SLC4A3: variants seen among roughly 807,000 people sequenced by gnomAD.
SLC4A3 encodes solute carrier family 4 member 3, also known as anion exchange protein 3.
A neutral mutation model predicts 114.2 loss-of-function variants in SLC4A3; 47 were observed. The observed-to-expected ratio is 0.41, with a 90% CI of 0.33 to 0.52. The LOEUF is 0.52. SLC4A3 is among the 20% of genes least tolerant of loss of function. The pLI is 0.21. For missense variants in SLC4A3, 1,312 were observed against 1,668.3 expected (o/e 0.79, Z 3.72); for synonymous variants, 693 against 710.3 (o/e 0.98, Z 0.39).
chr2:219,631,597 G>A lies in SLC4A3; in HGVS notation c.812-371G>A, dbSNP rs1015222621. On this transcript the variant is annotated intron_variant, in intron 6 of 22. Coordinates refer to ENST00000358055, the MANE Select transcript of SLC4A3 (RefSeq NM_005070.4). The surrounding 1 kb of genome is among the most constrained non-coding windows in gnomAD (Gnocchi z 6.3). The stretch of plus-strand genomic sequence containing the variant: ...ACGTGGGTGTTGAGATAGGGTGCAC[G>A]GAAAATGTTGGGGGCTCAGTGCCTG... 3.3e-5 allele frequency: 26 copies of A among 779,912 alleles called. No individual in the cohort carries two copies. The highest frequency in any genetic ancestry group is 4.2e-4 in the Middle Eastern group (1 of 2,358). 48.3% of individuals were successfully genotyped at this position (779,912 alleles called of 1,614,324 possible).
rs1223216708 is a variant in SLC4A3, at chr2:219,633,524, G to A, written c.1461+67G>A. ...GTGTCCAGTTTCAGTCGAGGTCATC[G>A]ACGACTTCACTGAGTGGGTTGGGAA... is the stretch of plus-strand genomic sequence containing the variant. On this transcript the variant is annotated intron_variant, in intron 10 of 22. Coordinates refer to ENST00000358055, the MANE Select transcript of SLC4A3 (RefSeq NM_005070.4). 9 of 1,362,734 alleles carry A rather than the reference G, an allele frequency of 6.6e-6. No individual in the cohort carries two copies. In the South Asian group the frequency reaches 7.9e-5, roughly 12 times the overall value. 84.4% of individuals were successfully genotyped at this position (1,362,734 alleles called of 1,614,324 possible).
chr2:219,640,225 GC>G (rs5838745), intron 20 of SLC4A3, among the ~76,000 whole-genome samples: 19,954 of 108,106 alleles, frequency 0.18, 2,184 homozygotes, highest in African/African-American at 0.26. Flanking sequence ...CAATGTGTCT[GC>G]CCCCCCCCCC....
intron 22 of SLC4A3, 28 bp downstream of exon 22, chr2:219,640,990 G>T (rs764471239): frequency 1.9e-5 from 31 of 1,594,758 alleles, no homozygotes; most frequent in Non-Finnish European, 2.4e-5. Flanking sequence ...TGGGGAAACA[G>T]TGTTAGGGCA....
At position 219,631,180 on chromosome 2, in the gene SLC4A3, TGTA is replaced by T; in HGVS notation, c.812-786_812-784del. On this transcript the variant is annotated intron_variant, in intron 6 of 22. Transcript: ENST00000358055. The surrounding 1 kb of genome is among the most constrained non-coding windows in gnomAD (Gnocchi z 6.3). ...AGCCACCCCGTCCAGGCTCCCACCTTGTAGGAGAGCCGAGGGGTCTGGTAGGGA... is the reference window on the plus strand; with the variant it reads ...AGCCACCCCGTCCAGGCTCCCACCTTGGAGAGCCGAGGGGTCTGGTAGGGA... 8.4e-7 allele frequency: 1 copy of T among 1,193,776 alleles called. No homozygotes were observed. The highest frequency in any genetic ancestry group is 1.1e-6 in the Non-Finnish European group (1 of 934,478). 73.9% of individuals were successfully genotyped at this position (1,193,776 alleles called of 1,614,324 possible).
At position 219,628,115 on chromosome 2, in the gene SLC4A3, G is replaced by C; in HGVS notation, c.51+72G>C. The C allele has an allele frequency of 4.7e-6, 6 of 1,265,760 alleles. No homozygotes were observed. The highest frequency in any genetic ancestry group is 6.4e-6 in the Non-Finnish European group (6 of 937,950). 78.4% of individuals were successfully genotyped at this position (1,265,760 alleles called of 1,614,324 possible). ...GAGGGACCTTAGGGTGGGCAGAGGA[G>C]TCCTCTGGCCGACCCCGGGACCCCC... On this transcript the variant is annotated intron_variant, in intron 2 of 22. Transcript: ENST00000358055. This position sits in a 1 kb window ranked among gnomAD's most constrained non-coding sequence, Gnocchi z 4.8.
chr2:219,631,935 C>A lies in SLC4A3; in HGVS notation c.812-33C>A. On this transcript the variant is annotated intron_variant, in intron 6 of 22. Transcript: ENST00000358055. This position sits in a 1 kb window ranked among gnomAD's most constrained non-coding sequence, Gnocchi z 6.3. ...CGTGACCCCGAGGGCCCCAGCTGGA[C>A]CTGTGGGACCCCCAAGCCCATCTTC... is the stretch of plus-strand genomic sequence containing the variant. 1 of 1,554,172 alleles carries A rather than the reference C, an allele frequency of 6.4e-7. No individual in the cohort carries two copies. Among genetic ancestry groups the A allele is most frequent in the Non-Finnish European group, 8.7e-7 (1 of 1,150,614 alleles).
At position 219,629,277 on chromosome 2, in the gene SLC4A3, TCCTCC is replaced by T. The variant is rs1698832248; in HGVS notation, c.353_357del (p.Pro118LeufsTer17). 6.2e-7 allele frequency: 1 copy of T among 1,612,924 alleles called. No individual in the cohort carries two copies. Among genetic ancestry groups the T allele is most frequent in the African/African-American group, 1.3e-5 (1 of 74,556 alleles). On this transcript the variant is annotated frameshift_variant, in exon 4 of 23. Transcript: ENST00000358055. LOFTEE classifies it high-confidence loss of function. The stretch of plus-strand genomic sequence containing the variant: ...AGAGGAAGAAGGAGAAAACCTCTGC[TCCTCC>T]CTCCGAGGGGACCCCTCCCATCCAG...
In SLC4A3 at chr2:219,634,437, G is replaced by T. The variant is rs1559201170; in HGVS notation, c.1579G>T (p.Glu527Ter). 1 of 1,614,092 alleles carries T rather than the reference G, an allele frequency of 6.2e-7. No individual in the cohort carries two copies. Among genetic ancestry groups the T allele is most frequent in the Non-Finnish European group, 8.5e-7 (1 of 1,180,008 alleles). The change falls in exon 12 of 23, where the codon GAG (glutamate) becomes TAG (stop). Residue 527 changes from glutamate (E) to a stop codon, truncating the protein, a stop_gained. Coordinates refer to ENST00000358055, the MANE Select transcript of SLC4A3 (RefSeq NM_005070.4). LOFTEE classifies it high-confidence loss of function. ...VVLVGCVPFL[E>*]QPAAAFVRLN... ...TCCCCTAGGTTGTGTGCCTTTCTTGGAGCAGCCTGCAGCAGCCTTCGTGCG... is the reference window on the plus strand; with the variant it reads ...TCCCCTAGGTTGTGTGCCTTTCTTGTAGCAGCCTGCAGCAGCCTTCGTGCG...
Position 219,629,303 on chromosome 2 carries a change from T to A in SLC4A3, c.377T>A (p.Ile126Asn), listed in dbSNP as rs766001289. 3.1e-6 allele frequency: 5 copies of A among 1,613,194 alleles called. No individual in the cohort carries two copies. Among genetic ancestry groups the A allele is most frequent in the Non-Finnish European group, 4.2e-6 (5 of 1,179,594 alleles). The change falls in exon 4 of 23, where the codon ATC (isoleucine) becomes AAC (asparagine). Residue 126 changes from isoleucine to asparagine, a missense_variant. Physicochemically the swap from Ile to Asn is moderately radical, Grantham distance 149 (BLOSUM62 -3). Coordinates refer to ENST00000358055, the MANE Select transcript of SLC4A3 (RefSeq NM_005070.4). Reference sequence around the variant, plus strand: ...CCTCCCTCCGAGGGGACCCCTCCCATCCAGGAGGAGGGGGGAGCTGGAGTG... The same window carrying A: ...CCTCCCTCCGAGGGGACCCCTCCCAACCAGGAGGAGGGGGGAGCTGGAGTG... ...SAPPSEGTPP[I>N]QEEGGAGVDE...
Position 219,639,542 on chromosome 2 carries a change from G to A in SLC4A3, c.3084G>A (p.Leu1028=), listed in dbSNP as rs369821892. 6 of 1,613,960 alleles carry A rather than the reference G, an allele frequency of 3.7e-6. No individual in the cohort carries two copies. Among genetic ancestry groups the A allele is most frequent in the Non-Finnish European group, 5.1e-6 (6 of 1,180,054 alleles). ...LLKGSGFHLD[L]LLIGSLGGLC... is the part of the protein sequence containing the mutation. The stretch of plus-strand genomic sequence containing the variant: ...AGGGCTCCGGTTTCCACCTGGACCT[G>A]CTCCTCATTGGCTCCCTGGGGGGGC... The change falls in exon 20 of 23, where the codon CTG becomes CTA. Residue 1028 remains leucine, a synonymous_variant. Transcript: ENST00000358055. This position sits in a 1 kb window ranked among gnomAD's most constrained non-coding sequence, Gnocchi z 5.9.
rs771107574 is a variant in SLC4A3 at position 219,637,571 on chromosome 2, C to T, written c.2536-10C>T. ...GTGAGTGACAAGGCATCCTTGTTATCCACACACAGGTGTTCACAGAGCACC... is the reference window on the plus strand; with the variant it reads ...GTGAGTGACAAGGCATCCTTGTTATTCACACACAGGTGTTCACAGAGCACC... On this transcript the variant is annotated splice_polypyrimidine_tract_variant and intron_variant, in intron 16 of 22. Coordinates refer to ENST00000358055, the MANE Select transcript of SLC4A3 (RefSeq NM_005070.4). This position sits in a 1 kb window ranked among gnomAD's most constrained non-coding sequence, Gnocchi z 4.6. The T allele has an allele frequency of 8.9e-6, 13 of 1,465,428 alleles. No individual in the cohort carries two copies. The highest frequency in any genetic ancestry group is 1.0e-5 in the Non-Finnish European group (11 of 1,067,940). 90.8% of individuals were successfully genotyped at this position (1,465,428 alleles called of 1,614,324 possible).
In SLC4A3 at chr2:219,632,927, G is replaced by C. The variant is rs372183718; in HGVS notation, c.1195G>C (p.Val399Leu). 30 of 1,614,024 alleles carry C rather than the reference G, an allele frequency of 1.9e-5. No homozygotes were observed. The highest frequency in any genetic ancestry group is 2.5e-5 in the Non-Finnish European group (30 of 1,180,034). ...QTTLPGIAHLVVETMIVSDQI... is the reference protein window; with the variant it reads ...QTTLPGIAHLLVETMIVSDQI... The stretch of plus-strand genomic sequence containing the variant: ...CACCCTGCCAGGCATTGCACACCTC[G>C]TGGTGGAGACCATGATTGTGTCTGA... Residue 399 changes from valine to leucine, a missense_variant, in exon 9 of 23, where the codon GTG becomes CTG. Around this residue, in one of 4 missense-constraint regions of SLC4A3, gnomAD observed 771 missense variants for 977.7 expected, o/e 0.79. Coordinates refer to ENST00000358055, the MANE Select transcript of SLC4A3 (RefSeq NM_005070.4).
In SLC4A3 at chr2:219,633,884, C is replaced by G; in HGVS notation, c.1466C>G (p.Pro489Arg). 6.4e-7 allele frequency: 1 copy of G among 1,556,690 alleles called. No individual in the cohort carries two copies. Among genetic ancestry groups the G allele is most frequent in the African/African-American group, 1.4e-5 (1 of 73,614 alleles). ...ATTCCAGTTCTGCGTCCTCAGAAGC[C>G]CCTCCACATGCCTGGGGGAGATGGT... The part of the protein sequence containing the change: ...WPHDPDAKEK[P>R]LHMPGGDGHR... The change falls in exon 11 of 23, where the codon CCC (proline) becomes CGC (arginine). Residue 489 changes from proline to arginine, a missense_variant. By Grantham distance (103) the Pro-to-Arg change is moderately radical. Around this residue, in one of 4 missense-constraint regions of SLC4A3, gnomAD observed 771 missense variants for 977.7 expected, o/e 0.79. Coordinates refer to ENST00000358055, the MANE Select transcript of SLC4A3 (RefSeq NM_005070.4).
At position 219,632,253 on chromosome 2, in the gene SLC4A3, G is replaced by A. The variant is rs762948392; in HGVS notation, c.961-9G>A. 48 of 1,613,624 alleles carry A rather than the reference G, an allele frequency of 3.0e-5. No homozygotes were observed. The highest frequency in any genetic ancestry group is 3.8e-5 in the Non-Finnish European group (45 of 1,179,972). On this transcript the variant is annotated splice_polypyrimidine_tract_variant and intron_variant, in intron 7 of 22. Transcript: ENST00000358055. ...GCCCCTGGGCCCTCACCTTTGGCAC[G>A]CCCCCCAGGTGTTCGTGGAGCTGAA...
intron 8 of SLC4A3, 110 bp from the exon 9 acceptor site, chr2:219,632,764 G>T: frequency 7.1e-7 from 1 of 1,399,102 alleles, no homozygotes; most frequent in Middle Eastern, 1.8e-4. Flanking sequence ...TACATTGGGC[G>T]CTTTGCCCTT....
At position 219,635,267 on chromosome 2, in the gene SLC4A3, C is replaced by T. The variant is rs1017598134; in HGVS notation, c.1747-4C>T. The stretch of plus-strand genomic sequence containing the variant: ...GAGGGTCCTGGCCCTCTCATTGCCC[C>T]CAGCTGTTTCATGAGGCTGCCTACC... On this transcript the variant is annotated splice_polypyrimidine_tract_variant and splice_region_variant and intron_variant, in intron 12 of 22. Coordinates refer to ENST00000358055, the MANE Select transcript of SLC4A3 (RefSeq NM_005070.4). The T allele has an allele frequency of 1.9e-6, 3 of 1,613,518 alleles. No homozygotes were observed. Among genetic ancestry groups the T allele is most frequent in the Non-Finnish European group, 2.5e-6 (3 of 1,179,682 alleles).
rs1052909743 is a variant in SLC4A3, at chr2:219,639,847, A to G, written c.3277+112A>G. ...CCCAATGTGCTGTGTGTTGCCCTCA[A>G]TCTGACCCCCAAACCTGCTTCCCAG... On this transcript the variant is annotated intron_variant, in intron 20 of 22. Coordinates refer to ENST00000358055, the MANE Select transcript of SLC4A3 (RefSeq NM_005070.4). The surrounding 1 kb of genome is among the most constrained non-coding windows in gnomAD (Gnocchi z 5.9). 3.1e-5 allele frequency: 44 copies of G among 1,398,300 alleles called. No homozygotes were observed. Among genetic ancestry groups the G allele is most frequent in the Non-Finnish European group, 3.8e-5 (39 of 1,032,558 alleles). 86.6% of individuals were successfully genotyped at this position (1,398,300 alleles called of 1,614,324 possible).
rs1166197432 is a variant in SLC4A3, at chr2:219,640,411, T to C, written c.3278-19T>C. 13 of 1,604,168 alleles carry C rather than the reference T, an allele frequency of 8.1e-6. No individual in the cohort carries two copies. The highest frequency in any genetic ancestry group is 1.1e-5 in the Non-Finnish European group (13 of 1,173,830). ...GGGGGCTGTCTGAGGGTCAGGCGGG[T>C]CTGTGTCACCTCCTCCAGGCCTGTC... On this transcript the variant is annotated intron_variant, in intron 20 of 22. Coordinates refer to ENST00000358055, the MANE Select transcript of SLC4A3 (RefSeq NM_005070.4).
Position 219,630,164 on chromosome 2 carries a change from C to T in SLC4A3, c.623C>T (p.Pro208Leu). 2 of 1,607,092 alleles carry T rather than the reference C, an allele frequency of 1.2e-6. No homozygotes were observed. The highest frequency in any genetic ancestry group is 1.7e-6 in the Non-Finnish European group (2 of 1,174,668). ...TGTTGCCTCCCCAGCTCCCCCAGCC[C>T]CCGGGCCCGGGCCTCCCGACTCGCT... ...SPQHSSSSPS[P>L]RARASRLAGE... Residue 208 changes from proline to leucine, a missense_variant, in exon 6 of 23, where the codon CCC (proline) becomes CTC (leucine). Physicochemically the swap from Pro to Leu is moderately conservative, Grantham distance 98. Coordinates refer to ENST00000358055, the MANE Select transcript of SLC4A3 (RefSeq NM_005070.4). This position sits in a 1 kb window ranked among gnomAD's most constrained non-coding sequence, Gnocchi z 6.9.
Sources: allele counts gnomAD v4.1 joint callset (sites outside exome capture counted in the v4.1 genomes callset), GRCh38; gene constraint gnomAD v4.1.1; regional missense constraint gnomAD v4.1.1; non-coding constraint Gnocchi (gnomAD v3.1); transcripts MANE v1.5; gene names NCBI Gene and HGNC (gene_info 2026-07-23, HGNC 2026-07-21).